The following COL23A1 variants were observed in gnomAD, a reference collection of about 807,000 sequenced individuals.
COL23A1 encodes collagen type XXIII alpha 1 chain, also known as collagen alpha-1(XXIII) chain.
COL23A1 carries 97 observed loss-of-function variants against 99.3 expected under a neutral mutation model. The observed-to-expected ratio is 0.98, with a 90% CI of 0.83 to 1.16. The LOEUF is 1.16. Among genes scored for constraint, COL23A1 ranks in the 50% most tolerant of loss-of-function variants. The pLI is 0.00. For synonymous variants in COL23A1, 320 were observed against 308.2 expected, an observed-to-expected ratio of 1.04 and a Z score of -0.40; for missense variants, 762 against 757.4, an observed-to-expected ratio of 1.01 and a Z score of -0.07.
chr5:178,531,138 A>C (rs486066), intron 2 of COL23A1, among the ~76,000 whole-genome samples: 3,747 of 152,264 alleles, frequency 0.025, 146 homozygotes, highest in African/African-American at 0.086. Flanking sequence ...AAGTGGTGGG[A>C]TTACAGGTGT....
chr5:178,460,553 G>C (rs1342583991), intron 2 of COL23A1, among the ~76,000 whole-genome samples: 1 of 152,194 alleles, frequency 6.6e-6, no homozygotes, highest in Non-Finnish European at 1.5e-5. Flanking sequence ...TCCAAATCCT[G>C]GTGTGGCTCT....
In COL23A1 at chr5:178,309,940, C is replaced by CG. The variant is rs200558943; in HGVS notation, c.362-3022dup. On this transcript the variant is annotated intron_variant, in intron 2 of 28. Coordinates refer to ENST00000390654, the MANE Select transcript of COL23A1 (RefSeq NM_173465.4). The surrounding 1 kb of genome is among the most constrained non-coding windows in gnomAD (Gnocchi z 4.7). ...TGATGTGTGTTCAGGGGAGGAAGGG[C>CG]GGGGGGGAGAGGGAGGGAGGGAGAA... Among the ~76,000 whole-genome samples the CG allele has an allele frequency of 1.4e-4, 3 of 21,190 alleles. No individual in the cohort carries two copies. The highest frequency in any genetic ancestry group is 4.3e-4 in the Admixed American group (1 of 2,340). 13.9% of individuals were successfully genotyped at this position (21,190 alleles called of 152,430 possible).
intron 2 of COL23A1, among the ~76,000 whole-genome samples, chr5:178,429,247 G>A (rs994802236): frequency 3.9e-5 from 6 of 151,970 alleles, no homozygotes; most frequent in Non-Finnish European, 5.9e-5. Context: ...GAGCTGGGGC[G>A]CCACCAGGCC....
At chr5:178,514,501 G>T (rs925675906) in intron 2 of COL23A1, among the ~76,000 whole-genome samples, 3 of 152,200 alleles carry the variant, frequency 2.0e-5, no homozygotes, top group Admixed American at 6.5e-5. Context: ...TTCCATAGTG[G>T]CTGCTCCATT....
At chr5:178,363,808 T>C (rs1387916855) in intron 2 of COL23A1, among the ~76,000 whole-genome samples, 1 of 152,244 alleles carries the variant, frequency 6.6e-6, no homozygotes, top group Non-Finnish European at 1.5e-5. Context: ...CATCACCCTC[T>C]GTTCTTCCTC....
chr5:178,546,277 G>A (rs1416541888), intron 2 of COL23A1, among the ~76,000 whole-genome samples: 5 of 152,104 alleles, frequency 3.3e-5, no homozygotes, highest in African/African-American at 4.8e-5. Flanking sequence ...CCTAGATCCC[G>A]TTCCTGCCTA....
rs955940074 is a variant in COL23A1 at position 178,387,264 on chromosome 5, C to G, written c.362-80345G>C. 6.6e-6 allele frequency among the ~76,000 whole-genome samples: 1 copy of G among 152,110 alleles called. No homozygotes were observed. The highest frequency in any genetic ancestry group is 1.5e-5 in the Non-Finnish European group (1 of 68,014). Reference sequence around the variant, plus strand: ...CACGTTCTGTAGCCTGGTGATCACCCCTTATGCCTGGGCCCAGACTCCCCA... The same window carrying G: ...CACGTTCTGTAGCCTGGTGATCACCGCTTATGCCTGGGCCCAGACTCCCCA... On this transcript the variant is annotated intron_variant, in intron 2 of 28. Transcript: ENST00000390654. This position sits in a 1 kb window ranked among gnomAD's most constrained non-coding sequence, Gnocchi z 4.7.
intron 2 of COL23A1, among the ~76,000 whole-genome samples, chr5:178,528,807 T>A (rs1760475504): frequency 6.6e-6 from 1 of 152,280 alleles, no homozygotes; most frequent in East Asian, 1.9e-4. Context: ...TGAAACTCCA[T>A]CTCAATAAAA....
At chr5:178,482,831 G>A (rs1757412857) in intron 2 of COL23A1, among the ~76,000 whole-genome samples, 1 of 152,212 alleles carries the variant, frequency 6.6e-6, no homozygotes, top group South Asian at 2.1e-4. Context: ...GAGCCTGGGA[G>A]GCAGAGCTTG....
chr5:178,257,570 G>A lies in COL23A1; in HGVS notation c.730-3C>T, dbSNP rs770879687. On this transcript the variant is annotated splice_region_variant and splice_polypyrimidine_tract_variant and intron_variant, in intron 12 of 28. Coordinates refer to ENST00000390654, the MANE Select transcript of COL23A1 (RefSeq NM_173465.4). ...TGGCTTGGTGTCCCATCGTCGCCCTGAGGAGAGGACACCTGGGGCTTGCCG... is the reference window on the plus strand; with the variant it reads ...TGGCTTGGTGTCCCATCGTCGCCCTAAGGAGAGGACACCTGGGGCTTGCCG... The A allele has an allele frequency of 1.2e-5, 19 of 1,556,834 alleles. No individual in the cohort carries two copies. The South Asian group carries it at 1.7e-4, about 14-fold the overall frequency.
intron 2 of COL23A1, among the ~76,000 whole-genome samples, chr5:178,453,008 T>C (rs1462987476): frequency 6.6e-6 from 1 of 152,144 alleles, no homozygotes; most frequent in Admixed American, 6.5e-5. Context: ...ACAACTGGAA[T>C]GCCCATGAGC....
At chr5:178,455,192 C>A (rs1018257907) in intron 2 of COL23A1, among the ~76,000 whole-genome samples, 1 of 152,254 alleles carries the variant, frequency 6.6e-6, no homozygotes, top group African/African-American at 2.4e-5. Flanking sequence ...CCGGGGGGGA[C>A]ACAGTTCAAC....
At chr5:178,243,230 G>A (rs546105217) in intron 25 of COL23A1, among the ~76,000 whole-genome samples, 1 of 151,420 alleles carries the variant, frequency 6.6e-6, no homozygotes, top group East Asian at 2.0e-4. Context: ...GCTCCCGCCT[G>A]TAATCCTAGC....
At chr5:178,357,813 T>G (rs998295508) in intron 2 of COL23A1, among the ~76,000 whole-genome samples, 57 of 151,544 alleles carry the variant, frequency 3.8e-4, no homozygotes, top group Non-Finnish European at 2.4e-4. Context: ...TGTGTATGTG[T>G]GTATGTGTGT....
intron 2 of COL23A1, among the ~76,000 whole-genome samples, chr5:178,375,642 T>C (rs1763032645): frequency 6.6e-6 from 1 of 152,250 alleles, no homozygotes; most frequent in Non-Finnish European, 1.5e-5. Context: ...GCTTGCTCAC[T>C]GAGGTGGCCC....
At chr5:178,354,490 G>A (rs892468806) in intron 2 of COL23A1, among the ~76,000 whole-genome samples, 6 of 152,164 alleles carry the variant, frequency 3.9e-5, no homozygotes, top group Non-Finnish European at 7.3e-5. Context: ...GGGGCTTGGT[G>A]GGAGGTGACT....
intron 2 of COL23A1, among the ~76,000 whole-genome samples, chr5:178,491,211 A>T (rs1343216074): frequency 2.6e-5 from 4 of 152,038 alleles, no homozygotes; most frequent in Admixed American, 2.6e-4. Flanking sequence ...ACTAAAGGAC[A>T]GTGTGTTGTT....
At chr5:178,272,377 C>G (rs1043681985) in intron 5 of COL23A1, among the ~76,000 whole-genome samples, 1 of 152,144 alleles carries the variant, frequency 6.6e-6, no homozygotes, top group African/African-American at 2.4e-5. Context: ...ACGTGGGGCT[C>G]GCGGCCAGGG....
chr5:178,255,756 C>T lies in COL23A1; in HGVS notation c.882+597G>A. On this transcript the variant is annotated intron_variant, in intron 15 of 28. Coordinates refer to ENST00000390654, the MANE Select transcript of COL23A1 (RefSeq NM_173465.4). The surrounding 1 kb of genome is among the most constrained non-coding windows in gnomAD (Gnocchi z 4.2). ...CCAGAACTGCCTGGCTCACTGGCTGCCTAATCCAACCCCCTCCCGCTCCCC... is the reference window on the plus strand; with the variant it reads ...CCAGAACTGCCTGGCTCACTGGCTGTCTAATCCAACCCCCTCCCGCTCCCC... 3.3e-6 allele frequency: 1 copy of T among 300,306 alleles called. No homozygotes were observed. Among genetic ancestry groups the T allele is most frequent in the South Asian group, 2.5e-5 (1 of 40,160 alleles). 18.6% of individuals were successfully genotyped at this position (300,306 alleles called of 1,614,324 possible). A position where few individuals can be genotyped will look rare whatever the true frequency, so the allele number is the denominator to read the frequency against.
Sources: allele counts gnomAD v4.1 joint callset (sites outside exome capture counted in the v4.1 genomes callset), GRCh38; gene constraint gnomAD v4.1.1; non-coding constraint Gnocchi (gnomAD v3.1); transcripts MANE v1.5; gene names NCBI Gene and HGNC (gene_info 2026-07-23, HGNC 2026-07-21).